Variants in CAMKK1 observed in about 807,000 individuals in gnomAD.
The protein encoded by CAMKK1 is calcium/calmodulin-dependent protein kinase kinase 1.
Under a neutral mutation model 63.5 loss-of-function variants are expected in CAMKK1, and 20 were observed. That is an observed-to-expected ratio of 0.32 (90% CI 0.22 to 0.46). The LOEUF (loss-of-function observed/expected upper bound fraction) is 0.46, where lower values mean the gene tolerates loss of function less well. CAMKK1 is among the 20% of genes least tolerant of loss of function. CAMKK1 has a pLI of 1.00. For missense variants in CAMKK1, 588 were observed against 658.1 expected (o/e 0.89, Z 1.17); for synonymous variants, 253 against 269.0 (o/e 0.94, Z 0.58).
intron 10 of CAMKK1, among the ~76,000 whole-genome samples, chr17:3,874,903 C>T (rs1166343212): frequency 4.0e-5 from 6 of 151,488 alleles, no homozygotes; most frequent in African/African-American, 9.7e-5. Flanking sequence ...GGGCGGATCA[C>T]GAGGTCAGGA....
rs925051394 is a variant in CAMKK1, at chr17:3,862,018, C to T, written c.*193G>A. ...CCTCGTGGGAGCCCTGCCCCCAAGA[C>T]CCCAAATGACATACATTCCAGTCTG... On this transcript the variant is annotated 3_prime_UTR_variant, in exon 16 of 16. Coordinates refer to ENST00000348335, the MANE Select transcript of CAMKK1 (RefSeq NM_032294.3). This position sits in a 1 kb window ranked among gnomAD's most constrained non-coding sequence, Gnocchi z 4.1. 7.2e-5 allele frequency: 43 copies of T among 598,918 alleles called. 1 individual carries two copies. The highest frequency in any genetic ancestry group is 2.6e-4 in the Admixed American group (9 of 34,960). The allele number at this position is 598,918 out of a possible 1,614,324, so 37.1% of individuals were successfully genotyped here.
At chr17:3,867,461 C>T (rs901231872) in intron 14 of CAMKK1, among the ~76,000 whole-genome samples, 4 of 152,184 alleles carry the variant, frequency 2.6e-5, no homozygotes, top group Admixed American at 6.5e-5. Context: ...TGGGAGGTGA[C>T]ACACTCATGC....
intron 14 of CAMKK1, 95 bp downstream of exon 14, chr17:3,869,392 G>A (rs2054734605): frequency 6.6e-7 from 1 of 1,523,762 alleles, no homozygotes; most frequent in South Asian, 1.2e-5. Flanking sequence ...GGCTGGCCAG[G>A]CAGGCCTCTG....
intron 14 of CAMKK1, among the ~76,000 whole-genome samples, chr17:3,867,081 A>G (rs1321746486): frequency 6.6e-6 from 1 of 152,242 alleles, no homozygotes; most frequent in East Asian, 1.9e-4. Context: ...AAAAATCAGT[A>G]AATTATGTAT....
In CAMKK1 at chr17:3,868,124, CGTGGGCTCTGGGGG is replaced by C. The variant is rs2054631298; in HGVS notation, c.1341+1349_1341+1362del. ...AGAAGCAGGCGCCGTCTAACTGATA[CGTGGGCTCTGGGGG>C]AGAAGCAGGCGCCGTCTAACTGATA... On this transcript the variant is annotated intron_variant, in intron 14 of 15. Coordinates refer to ENST00000348335, the MANE Select transcript of CAMKK1 (RefSeq NM_032294.3). 2.1e-4 allele frequency among the ~76,000 whole-genome samples: 13 copies of C among 62,408 alleles called. 1 individual carries two copies. Among genetic ancestry groups the C allele is most frequent in the Admixed American group, 2.8e-4 (2 of 7,064 alleles). The allele number at this position is 62,408 out of a possible 152,430, so 40.9% of individuals were successfully genotyped here. A position where few individuals can be genotyped will look rare whatever the true frequency, so the allele number is the denominator to read the frequency against.
At position 3,862,120 on chromosome 17, in the gene CAMKK1, C is replaced by G; in HGVS notation, c.*91G>C. On this transcript the variant is annotated 3_prime_UTR_variant, in exon 16 of 16. Transcript: ENST00000348335. The surrounding 1 kb of genome is among the most constrained non-coding windows in gnomAD (Gnocchi z 4.1). Reference sequence around the variant, plus strand: ...GAGTGGGGCTGCAGTCCCCAGCCCCCTGCCTGCGGGGGCGGCTGTTGCATG... The same window carrying G: ...GAGTGGGGCTGCAGTCCCCAGCCCCGTGCCTGCGGGGGCGGCTGTTGCATG... 3 of 1,098,774 alleles carry G rather than the reference C, an allele frequency of 2.7e-6. No homozygotes were observed. Among genetic ancestry groups the G allele is most frequent in the Non-Finnish European group, 4.0e-6 (3 of 751,550 alleles). 68.1% of individuals were successfully genotyped at this position (1,098,774 alleles called of 1,614,324 possible).
At position 3,866,025 on chromosome 17, in the gene CAMKK1, G is replaced by A. The variant is rs368987435; in HGVS notation, c.1342-14C>T. ...CTTCACCAGGATCTGAGGAGGACAAGGCAGCGTGAGGAGCACAGGTCCCAG... is the reference window on the plus strand; with the variant it reads ...CTTCACCAGGATCTGAGGAGGACAAAGCAGCGTGAGGAGCACAGGTCCCAG... On this transcript the variant is annotated splice_polypyrimidine_tract_variant and intron_variant, in intron 14 of 15. Coordinates refer to ENST00000348335, the MANE Select transcript of CAMKK1 (RefSeq NM_032294.3). 2.4e-5 allele frequency: 38 copies of A among 1,613,032 alleles called. No homozygotes were observed. In the African/African-American group the frequency reaches 3.6e-4, roughly 15 times the overall value.
rs368232912 is a variant in CAMKK1, at chr17:3,883,226, C to G, written c.515-51G>C. 3 of 1,601,016 alleles carry G rather than the reference C, an allele frequency of 1.9e-6. No individual in the cohort carries two copies. Among genetic ancestry groups the G allele is most frequent in the Non-Finnish European group, 2.6e-6 (3 of 1,176,148 alleles). Reference sequence around the variant, plus strand: ...ACCTGTTCCAGGTGGCTGGGCCTCACCGTGGCCCCCAAACCAGTCTCAAGC... The same window carrying G: ...ACCTGTTCCAGGTGGCTGGGCCTCAGCGTGGCCCCCAAACCAGTCTCAAGC... On this transcript the variant is annotated intron_variant, in intron 5 of 15. Transcript: ENST00000348335. This position sits in a 1 kb window ranked among gnomAD's most constrained non-coding sequence, Gnocchi z 4.7.
intron 14 of CAMKK1, among the ~76,000 whole-genome samples, chr17:3,867,989 A>G (rs59303687): frequency 0.051 from 2,250 of 44,514 alleles, 289 homozygotes; most frequent in African/African-American, 0.26. Context: ...AGATGCAGGC[A>G]CCGTCTAACT....
chr17:3,890,467 C>T lies in CAMKK1; in HGVS notation c.-44+2472G>A, dbSNP rs1349594651. Among the ~76,000 whole-genome samples, 1 of 152,102 alleles carries T rather than the reference C, an allele frequency of 6.6e-6. No homozygotes were observed. The highest frequency in any genetic ancestry group is 1.5e-5 in the Non-Finnish European group (1 of 68,010). On this transcript the variant is annotated intron_variant, in intron 1 of 15. Coordinates refer to ENST00000348335, the MANE Select transcript of CAMKK1 (RefSeq NM_032294.3). This position sits in a 1 kb window ranked among gnomAD's most constrained non-coding sequence, Gnocchi z 6.5. ...GTGCCTCCAGCCCCACTCTTTCCAG[C>T]TAGCTGCCACCTCCCCGTCCATGTT...
intron 14 of CAMKK1, among the ~76,000 whole-genome samples, chr17:3,868,394 A>G (rs1344552360): frequency 6.9e-5 from 10 of 144,564 alleles, no homozygotes; most frequent in South Asian, 4.4e-4. Context: ...AGGCCCATCT[A>G]ACTGATATGT....
chr17:3,890,631 C>A lies in CAMKK1; in HGVS notation c.-44+2308G>T, dbSNP rs59362372. ...CTGACCCAGGTCAGCAATCCGGGAG[C>A]CCTCCTTGTCACTCGTCCTTTCCCT... On this transcript the variant is annotated intron_variant, in intron 1 of 15. Coordinates refer to ENST00000348335, the MANE Select transcript of CAMKK1 (RefSeq NM_032294.3). The surrounding 1 kb of genome is among the most constrained non-coding windows in gnomAD (Gnocchi z 6.5). 4.2e-3 allele frequency: 3,264 copies of A among 779,562 alleles called. 85 individuals carry two copies. In the African/African-American group the frequency reaches 0.047, roughly 11 times the overall value. The allele number at this position is 779,562 out of a possible 1,614,324, so 48.3% of individuals were successfully genotyped here.
rs574538779 is a variant in CAMKK1, at chr17:3,871,936, G to A, written c.1124+618C>T. On this transcript the variant is annotated intron_variant, in intron 12 of 15. Coordinates refer to ENST00000348335, the MANE Select transcript of CAMKK1 (RefSeq NM_032294.3). ...GCTGGGATTACAGGCGTGAGCCACC[G>A]CACCCGGCCTCCATTTCACTCCTGA... Among the ~76,000 whole-genome samples the A allele has an allele frequency of 1.1e-4, 16 of 152,260 alleles. No homozygotes were observed. In the East Asian group the frequency reaches 1.2e-3, roughly 11 times the overall value.
In CAMKK1 at chr17:3,890,750, C is replaced by A. The variant is rs1015591733; in HGVS notation, c.-44+2189G>T. 1 of 779,818 alleles carries A rather than the reference C, an allele frequency of 1.3e-6. No homozygotes were observed. Among genetic ancestry groups the A allele is most frequent in the South Asian group, 1.3e-5 (1 of 74,626 alleles). 48.3% of individuals were successfully genotyped at this position (779,818 alleles called of 1,614,324 possible). A position where few individuals can be genotyped will look rare whatever the true frequency, so the allele number is the denominator to read the frequency against. ...TTGCATACTCTGTTCTGCTGCCAGG[C>A]CTCAGTACAAGCTGTGCCTTCTGCC... On this transcript the variant is annotated intron_variant, in intron 1 of 15. Transcript: ENST00000348335. This position sits in a 1 kb window ranked among gnomAD's most constrained non-coding sequence, Gnocchi z 6.5.
At chr17:3,873,328 C>A in intron 11 of CAMKK1, 81 bp downstream of exon 11, 1 of 1,312,484 alleles carries the variant, frequency 7.6e-7, no homozygotes, top group Non-Finnish European at 1.1e-6. Context: ...CACTTAAGGA[C>A]AAAAAGGAAG....
chr17:3,871,360 T>G (rs542527436), intron 12 of CAMKK1, among the ~76,000 whole-genome samples: 7,915 of 115,486 alleles, frequency 0.069, 341 homozygotes, highest in East Asian at 0.3. Context: ...TTTTTTTTTT[T>G]TTTTTTTTTT....
chr17:3,869,715 G>A (rs895378693), intron 13 of CAMKK1, 86 bp downstream of exon 13: 32 of 1,590,880 alleles, frequency 2.0e-5, no homozygotes, highest in Non-Finnish European at 2.4e-5. Flanking sequence ...CAACACACAT[G>A]CATCCTGGTG....
At chr17:3,869,168 A>G (rs1340679594) in intron 14 of CAMKK1, among the ~76,000 whole-genome samples, 2 of 150,536 alleles carry the variant, frequency 1.3e-5, no homozygotes, top group Non-Finnish European at 3.0e-5. Context: ...CGGGGTTTCA[A>G]GGATGGTCTC....
intron 1 of CAMKK1, among the ~76,000 whole-genome samples, chr17:3,888,325 G>A (rs1377939006): frequency 2.6e-5 from 4 of 152,194 alleles, no homozygotes; most frequent in South Asian, 2.1e-4. Flanking sequence ...GAGGCCCAGC[G>A]GGTGGGGATG....
Sources: gnomAD v4.1 joint callset for allele counts (sites outside exome capture counted in the v4.1 genomes callset) on GRCh38, gnomAD v4.1.1 for gene constraint, Gnocchi (gnomAD v3.1) non-coding constraint, MANE v1.5 for transcripts, NCBI Gene and HGNC (gene_info 2026-07-23, HGNC 2026-07-21) for gene names.